ME3: variants seen among roughly 807,000 people sequenced by gnomAD.
ME3 encodes the protein malic enzyme 3.
Under a neutral mutation model 68.9 loss-of-function variants are expected in ME3, and 48 were observed. The observed-to-expected ratio is 0.70, with a 90% CI of 0.55 to 0.89. ME3 has a LOEUF of 0.89. Ranked by LOEUF, ME3 falls within the 40% of genes least tolerant of loss-of-function variation. ME3 has a pLI of 0.00. For synonymous variants in ME3, 320 were observed against 318.8 expected (o/e 1.00, Z -0.04); for missense variants, 675 against 797.4 (o/e 0.85, Z 1.85).
intron 2 of ME3, among the ~76,000 whole-genome samples, chr11:86,647,061 C>G (rs1282040639): frequency 1.3e-5 from 2 of 152,100 alleles, no homozygotes; most frequent in Non-Finnish European, 2.9e-5. Context: ...GCACTAAATA[C>G]AGGAAGGAAA....
chr11:86,486,101 C>T (rs540206594), intron 7 of ME3, among the ~76,000 whole-genome samples: 1 of 152,302 alleles, frequency 6.6e-6, no homozygotes, highest in South Asian at 2.1e-4. Context: ...TACCCACCTG[C>T]CCCATCAGTG....
intron 4 of ME3, among the ~76,000 whole-genome samples, chr11:86,542,516 T>C (rs749878872): frequency 5.9e-5 from 9 of 152,098 alleles, no homozygotes; most frequent in Non-Finnish European, 1.2e-4. Context: ...AATACACAAG[T>C]ATCAACAGCA....
intron 4 of ME3, among the ~76,000 whole-genome samples, chr11:86,530,411 T>C (rs2139262724): frequency 6.6e-6 from 1 of 152,328 alleles, no homozygotes. Flanking sequence ...ATCATGGAAA[T>C]GGCCATAGTG....
intron 2 of ME3, among the ~76,000 whole-genome samples, chr11:86,668,956 G>A (rs1946744712): frequency 1.3e-5 from 2 of 152,334 alleles, no homozygotes; most frequent in South Asian, 4.1e-4. Context: ...ACTAAGCACA[G>A]CATTGAAGAC....
In ME3 at chr11:86,524,422, T is replaced by TGAATCATAAATC. The variant is rs570172712; in HGVS notation, c.468-15567_468-15556dup. Among the ~76,000 whole-genome samples the TGAATCATAAATC allele has an allele frequency of 4.6e-5, 7 of 152,344 alleles. No homozygotes were observed. The East Asian group carries it at 1.4e-3, about 29-fold the overall frequency. On this transcript the variant is annotated intron_variant, in intron 4 of 14. Transcript: ENST00000543262. ...GAAGTAGTCACACATTTTTTTCCAC[T>TGAATCATAAATC]GAATCATAAATCTGCAGCCTCAGTT...
intron 4 of ME3, among the ~76,000 whole-genome samples, chr11:86,521,073 C>G (rs1169298167): frequency 6.6e-6 from 1 of 152,136 alleles, no homozygotes; most frequent in Non-Finnish European, 1.5e-5. Context: ...TTAACTCCAC[C>G]GAATCTCCAT....
At chr11:86,582,407 T>C (rs946932637) in intron 2 of ME3, among the ~76,000 whole-genome samples, 18 of 152,214 alleles carry the variant, frequency 1.2e-4, no homozygotes, top group Non-Finnish European at 1.8e-4. Context: ...AAATGTTGAT[T>C]CCAGGGCTTT....
intron 2 of ME3, among the ~76,000 whole-genome samples, chr11:86,618,210 G>C (rs2135245732): frequency 7.0e-6 from 1 of 143,208 alleles, no homozygotes; most frequent in East Asian, 2.1e-4. Flanking sequence ...TGAGGTGAGA[G>C]AATAACCTGA....
At chr11:86,446,666 C>T (rs1270471035) in intron 12 of ME3, among the ~76,000 whole-genome samples, 179 bp from the exon 13 acceptor site, 2 of 152,216 alleles carry the variant, frequency 1.3e-5, no homozygotes, top group Non-Finnish European at 2.9e-5. Flanking sequence ...AAGCTCAGCC[C>T]TCACCTGTTA....
intron 6 of ME3, among the ~76,000 whole-genome samples, chr11:86,491,027 T>A (rs1031663037): frequency 1.3e-5 from 2 of 152,210 alleles, no homozygotes; most frequent in Non-Finnish European, 1.5e-5. Flanking sequence ...CCTTATATTT[T>A]GCTTTCCTAA....
intron 7 of ME3, among the ~76,000 whole-genome samples, chr11:86,477,488 C>T (rs1247617093): frequency 1.3e-5 from 2 of 152,116 alleles, no homozygotes; most frequent in African/African-American, 4.8e-5. Context: ...ATTATTGGTA[C>T]TTATTCATTG....
chr11:86,636,396 A>G (rs1944338454), intron 2 of ME3, among the ~76,000 whole-genome samples: 1 of 152,134 alleles, frequency 6.6e-6, no homozygotes, highest in Non-Finnish European at 1.5e-5. Context: ...ATAAACACTC[A>G]TGAAGAGAGG....
At chr11:86,457,521 A>G (rs1326843634) in intron 8 of ME3, 3 of 1,131,150 alleles carry the variant, frequency 2.7e-6, no homozygotes, top group Non-Finnish European at 3.3e-6. Flanking sequence ...AGAACTCAAG[A>G]GGAAAAACAG....
At chr11:86,646,324 T>C (rs1468411395) in intron 2 of ME3, among the ~76,000 whole-genome samples, 1 of 152,228 alleles carries the variant, frequency 6.6e-6, no homozygotes, top group African/African-American at 2.4e-5. Flanking sequence ...CAGGAACTGC[T>C]AACTAGAATA....
intron 4 of ME3, among the ~76,000 whole-genome samples, chr11:86,534,907 C>T (rs575790455): frequency 3.8e-4 from 57 of 148,858 alleles, no homozygotes; most frequent in African/African-American, 1.3e-3. Context: ...AGGAGAAGAA[C>T]TTGTAAGTAG....
At chr11:86,445,735 A>G (rs1383802952) in intron 13 of ME3, among the ~76,000 whole-genome samples, 2 of 151,970 alleles carry the variant, frequency 1.3e-5, no homozygotes, top group Non-Finnish European at 1.5e-5. Flanking sequence ...GGTTTTCATC[A>G]TGTCTAGTAA....
chr11:86,558,941 T>C (rs1002283892), intron 3 of ME3, among the ~76,000 whole-genome samples: 4 of 152,182 alleles, frequency 2.6e-5, no homozygotes, highest in African/African-American at 9.7e-5. Flanking sequence ...TACTAGAGTC[T>C]GGTCTTGTAG....
At chr11:86,659,405 C>T (rs1946130327) in intron 2 of ME3, among the ~76,000 whole-genome samples, 2 of 152,260 alleles carry the variant, frequency 1.3e-5, no homozygotes, top group Middle Eastern at 6.8e-3. Context: ...AGGGAGTTCC[C>T]CTTCACCACT....
intron 2 of ME3, among the ~76,000 whole-genome samples, chr11:86,656,838 A>G (rs977982219): frequency 4.1e-5 from 6 of 147,678 alleles, no homozygotes; most frequent in African/African-American, 1.5e-4. Context: ...GAAGACACTA[A>G]TGCGGCTGAT....
Sources: allele counts gnomAD v4.1 joint callset (sites outside exome capture counted in the v4.1 genomes callset), GRCh38; gene constraint gnomAD v4.1.1; transcripts MANE v1.5; gene names NCBI Gene and HGNC (gene_info 2026-07-23, HGNC 2026-07-21).